Variants in PPEF1 observed in about 807,000 individuals in gnomAD.
The protein encoded by PPEF1 is protein phosphatase with EF-hand domain 1.
A neutral mutation model predicts 53.3 loss-of-function variants in PPEF1; 12 were observed. The observed-to-expected ratio is 0.23, with a 90% CI of 0.14 to 0.36. The LOEUF (loss-of-function observed/expected upper bound fraction) is 0.36. PPEF1 is among the 10% of genes least tolerant of loss of function. The pLI, the probability that PPEF1 is intolerant of heterozygous loss-of-function variation, is 1.00. For missense variants in PPEF1, 334 were observed against 490.4 expected (o/e 0.68, Z 3.01); for synonymous variants, 165 against 176.7 (o/e 0.93, Z 0.52).
chrX:18,814,699 G>T (rs2046869927), intron 12 of PPEF1, among the ~76,000 whole-genome samples: 1 of 111,016 alleles, frequency 9.0e-6, no homozygotes, highest in Non-Finnish European at 1.9e-5. Context: ...TTTGTTTTTT[G>T]CTTGTTGAAT....
At chrX:18,773,068 G>A (rs2045900147) in intron 6 of PPEF1, among the ~76,000 whole-genome samples, 1 of 112,541 alleles carries the variant, frequency 8.9e-6, no homozygotes, top group Non-Finnish European at 1.9e-5. Flanking sequence ...AAGCAAGTCA[G>A]TAAGTCTTGC....
At chrX:18,686,051 G>T (rs1929066258) in intron 2 of PPEF1, 1 of 111,997 alleles carries the variant, frequency 8.9e-6, no homozygotes, top group Admixed American at 9.5e-5. Context: ...AGATTTTACT[G>T]AATAGAAGCA....
intron 1 of PPEF1, chrX:18,676,246 A>T (rs1419914402): frequency 9.0e-6 from 1 of 110,969 alleles, no homozygotes; most frequent in African/African-American, 3.3e-5. Context: ...TCCTTTGTAA[A>T]TACAAGGGTT....
chrX:18,758,214 G>A (rs1302682080), intron 5 of PPEF1, among the ~76,000 whole-genome samples: 1 of 111,852 alleles, frequency 8.9e-6, no homozygotes, highest in Non-Finnish European at 1.9e-5. Context: ...CCAGAAATCT[G>A]TTTCTTGTTC....
intron 10 of PPEF1, among the ~76,000 whole-genome samples, chrX:18,803,570 T>G (rs781741303): frequency 9.0e-6 from 1 of 111,665 alleles, no homozygotes; most frequent in Admixed American, 9.5e-5. Context: ...GATCCTCCCA[T>G]CTCAGCCTCC....
At chrX:18,708,840 C>T (rs2044259688) in intron 1 of PPEF1, among the ~76,000 whole-genome samples, 1 of 111,268 alleles carries the variant, frequency 9.0e-6, no homozygotes. Flanking sequence ...CTTTCAAAAG[C>T]TCCATCTGAA....
At chrX:18,826,822 A>G (rs769354021) in intron 15 of PPEF1, among the ~76,000 whole-genome samples, 1 of 110,779 alleles carries the variant, frequency 9.0e-6, no homozygotes, top group East Asian at 2.8e-4. Flanking sequence ...CACCGAAAAA[A>G]AAAAAAAATC....
At chrX:18,705,116 CTCT>C (rs1473503516), upstream of PPEF1, among the ~76,000 whole-genome samples, 1 of 111,421 alleles carries the variant, frequency 9.0e-6, no homozygotes, top group African/African-American at 3.3e-5. Context: ...CCTTCCCTCT[CTCT>C]TCTTTTGCTG....
At chrX:18,775,252 G>A (rs1222847980) in intron 6 of PPEF1, among the ~76,000 whole-genome samples, 1 of 76,659 alleles carries the variant, frequency 1.3e-5, no homozygotes, top group African/African-American at 5.5e-5. Context: ...GAGTCTCACT[G>A]TGTTGCCCAG....
intron 3 of PPEF1, among the ~76,000 whole-genome samples, chrX:18,746,771 C>A (rs2147450556): frequency 8.9e-6 from 1 of 111,943 alleles, no homozygotes; most frequent in Admixed American, 9.5e-5. Context: ...AGCATAGTTA[C>A]ATTTTAATAT....
intron 4 of PPEF1, among the ~76,000 whole-genome samples, chrX:18,693,628 G>A (rs749489684): frequency 2.7e-5 from 3 of 111,999 alleles, no homozygotes; most frequent in Admixed American, 9.5e-5. Flanking sequence ...GTGTAATGGC[G>A]CAACCTTGGC....
At chrX:18,758,054 G>A (rs998854895) in intron 5 of PPEF1, among the ~76,000 whole-genome samples, 1 of 111,179 alleles carries the variant, frequency 9.0e-6, no homozygotes, top group Non-Finnish European at 1.9e-5. Context: ...TTTGTTCCAC[G>A]TTGCTTTTTC....
chrX:18,750,500 A>G (rs770181172), intron 4 of PPEF1, among the ~76,000 whole-genome samples: 1 of 111,793 alleles, frequency 8.9e-6, no homozygotes, highest in Admixed American at 9.5e-5. Context: ...ATTTCTTTTT[A>G]TGGCTGATAA....
intron 6 of PPEF1, 82 bp from the exon 7 acceptor site, chrX:18,778,928 A>T: frequency 1.1e-6 from 1 of 920,078 alleles, no homozygotes; most frequent in African/African-American, 2.0e-5. Flanking sequence ...TTTCCATATT[A>T]ACAGGGATGT....
chrX:18,722,857 G>C (rs767611443), intron 1 of PPEF1, among the ~76,000 whole-genome samples: 16 of 111,684 alleles, frequency 1.4e-4, no homozygotes, highest in African/African-American at 4.9e-4. Context: ...GTCAGGAAAG[G>C]CCTCCCGCAA....
At chrX:18,730,424 AATAGAGC>A in intron 2 of PPEF1, 116 bp downstream of exon 2, 1 of 845,428 alleles carries the variant, frequency 1.2e-6, no homozygotes, top group Non-Finnish European at 1.7e-6. Flanking sequence ...GAAAGGCTTT[AATAGAGC>A]ATGTCATGAC....
At chrX:18,766,670 T>A (rs1341693516) in intron 6 of PPEF1, among the ~76,000 whole-genome samples, 2 of 112,298 alleles carry the variant, frequency 1.8e-5, no homozygotes, top group African/African-American at 6.5e-5. Flanking sequence ...TCACATGAGT[T>A]TGCCTGTCTG....
chrX:18,680,608 A>G (rs1453773174), upstream of PPEF1, among the ~76,000 whole-genome samples: 2 of 107,557 alleles, frequency 1.9e-5, no homozygotes, highest in Non-Finnish European at 3.8e-5. Flanking sequence ...TATATATATA[A>G]ATATTTTTAA....
chrX:18,742,116 G>T (rs1158314958), intron 3 of PPEF1, among the ~76,000 whole-genome samples: 1 of 110,833 alleles, frequency 9.0e-6, no homozygotes, highest in Non-Finnish European at 1.9e-5. Flanking sequence ...GGCTTCTTTT[G>T]ATCATCATTA....
Sources: gnomAD v4.1 joint callset for allele counts (sites outside exome capture counted in the v4.1 genomes callset) on GRCh38, gnomAD v4.1.1 for gene constraint, MANE v1.5 for transcripts, NCBI Gene and HGNC (gene_info 2026-07-23, HGNC 2026-07-21) for gene names.